Variants in CHST8 observed in about 807,000 individuals in gnomAD.
CHST8 encodes the protein carbohydrate sulfotransferase 8.
A neutral mutation model predicts 15.0 loss-of-function variants in CHST8; 10 were observed. That is an observed-to-expected ratio of 0.67 (90% CI 0.41 to 1.13). The LOEUF (loss-of-function observed/expected upper bound fraction) is 1.13. Among genes scored for constraint, CHST8 ranks in the 50% most tolerant of loss-of-function variants. The probability of loss-of-function intolerance (pLI) is 0.00; values close to 1 mark genes in which losing one functional copy is unlikely to be tolerated. For synonymous variants in CHST8, 259 were observed against 256.6 expected (o/e 1.01, Z -0.09); for missense variants, 634 against 608.2 (o/e 1.04, Z -0.45).
chr19:33,636,027 TGG>T (rs1452589579), intron 1 of CHST8, among the ~76,000 whole-genome samples: 1 of 146,642 alleles, frequency 6.8e-6, no homozygotes, highest in Non-Finnish European at 1.5e-5. Context: ...TTTTTTTTGG[TGG>T]GAAGACAGAT....
At position 33,740,803 on chromosome 19, in the gene CHST8, T is replaced by C. The variant is rs533961233; in HGVS notation, c.131-30610T>C. ...ACACAAGTCTTGGTTTCTGAACTTA[T>C]CGGCATCTTGTGGGGGCTGTCCATG... On this transcript the variant is annotated intron_variant, in intron 3 of 4. Coordinates refer to ENST00000650847, the MANE Select transcript of CHST8 (RefSeq NM_001127895.2). 2.6e-5 allele frequency among the ~76,000 whole-genome samples: 4 copies of C among 152,306 alleles called. No homozygotes were observed. The East Asian group carries it at 5.8e-4, about 22-fold the overall frequency.
chr19:33,758,144 G>A (rs1247829542), intron 3 of CHST8, among the ~76,000 whole-genome samples: 2 of 139,894 alleles, frequency 1.4e-5, no homozygotes, highest in South Asian at 5.4e-4. Context: ...GGGGTGGGGG[G>A]GCACACAGGA....
chr19:33,710,076 A>C (rs76941986), intron 3 of CHST8, among the ~76,000 whole-genome samples: 1 of 152,156 alleles, frequency 6.6e-6, no homozygotes, highest in Non-Finnish European at 1.5e-5. Context: ...ATGTCTTTCT[A>C]GGGCTTTGTT....
At chr19:33,701,239 T>G (rs991685717) in intron 3 of CHST8, among the ~76,000 whole-genome samples, 4 of 152,112 alleles carry the variant, frequency 2.6e-5, no homozygotes, top group African/African-American at 7.2e-5. Flanking sequence ...CCCAGTCTTC[T>G]ACGTGGCCAC....
rs187047734 is a variant in CHST8, at chr19:33,724,476, G to A, written c.130+35085G>A. Among the ~76,000 whole-genome samples, 363 of 151,242 alleles carry A rather than the reference G, an allele frequency of 2.4e-3. 2 individuals carry two copies. In the South Asian group the frequency reaches 0.027, roughly 11 times the overall value. ...AAGCAGTTCTGTAAAGTGTGGCTGC[G>A]GGGCTGGCAGCCGGGCTGCTCTTCC... On this transcript the variant is annotated intron_variant, in intron 3 of 4. Transcript: ENST00000650847.
chr19:33,715,701 G>C (rs1036636147), intron 3 of CHST8, among the ~76,000 whole-genome samples: 3 of 152,324 alleles, frequency 2.0e-5, no homozygotes, highest in Admixed American at 6.5e-5. Flanking sequence ...GGTTGTCCCT[G>C]GCTGCCTGCA....
chr19:33,758,550 T>C (rs555837265), intron 3 of CHST8, among the ~76,000 whole-genome samples: 1 of 152,334 alleles, frequency 6.6e-6, no homozygotes, highest in Non-Finnish European at 1.5e-5. Context: ...GTGACAGGCT[T>C]GACAGCTCCA....
At chr19:33,633,598 T>A (rs1191306788) in intron 1 of CHST8, among the ~76,000 whole-genome samples, 1 of 150,722 alleles carries the variant, frequency 6.6e-6, no homozygotes, top group Non-Finnish European at 1.5e-5. Flanking sequence ...GGGTCTCACT[T>A]TGTTGCCCAG....
intron 2 of CHST8, among the ~76,000 whole-genome samples, chr19:33,674,387 C>G (rs1972783135): frequency 6.6e-6 from 1 of 152,240 alleles, no homozygotes; most frequent in Non-Finnish European, 1.5e-5. Context: ...TCTGTACAGA[C>G]TGCTCAGCTA....
intron 1 of CHST8, among the ~76,000 whole-genome samples, chr19:33,658,270 G>A: frequency 6.6e-6 from 1 of 152,168 alleles, no homozygotes; most frequent in East Asian, 1.9e-4. Flanking sequence ...AACTCGGGAG[G>A]CGGAGATTGC....
chr19:33,752,609 C>T (rs1228451897), intron 3 of CHST8, among the ~76,000 whole-genome samples: 2 of 152,190 alleles, frequency 1.3e-5, no homozygotes, highest in South Asian at 2.1e-4. Context: ...TGACCCTTCC[C>T]GCCGCCCCAC....
intron 1 of CHST8, among the ~76,000 whole-genome samples, chr19:33,659,966 C>T (rs1972565457): frequency 6.6e-6 from 1 of 152,214 alleles, no homozygotes; most frequent in South Asian, 2.1e-4. Context: ...GGGCTGATCC[C>T]TGGAATCCTC....
At chr19:33,756,195 T>A (rs1284124208) in intron 3 of CHST8, among the ~76,000 whole-genome samples, 1 of 152,214 alleles carries the variant, frequency 6.6e-6, no homozygotes, top group African/African-American at 2.4e-5. Flanking sequence ...CAATTCCAGG[T>A]GCGCATGAAG....
intron 1 of CHST8, among the ~76,000 whole-genome samples, chr19:33,629,402 C>A (rs1031131535): frequency 2.0e-5 from 3 of 152,256 alleles, no homozygotes; most frequent in African/African-American, 7.2e-5. Flanking sequence ...TCCTTTTCCT[C>A]CTCCCCAAGG....
At chr19:33,768,089 G>A (rs567644999) in intron 3 of CHST8, among the ~76,000 whole-genome samples, 8 of 152,310 alleles carry the variant, frequency 5.3e-5, no homozygotes, top group Admixed American at 2.0e-4. Context: ...ACTTGGGGAT[G>A]TGCAGACCCC....
chr19:33,700,786 T>A (rs1208625297), intron 3 of CHST8, among the ~76,000 whole-genome samples: 1 of 152,188 alleles, frequency 6.6e-6, no homozygotes, highest in Non-Finnish European at 1.5e-5. Flanking sequence ...CCCCAGTTGC[T>A]ACTTTGCACC....
At chr19:33,769,632 G>C (rs1178823083) in intron 3 of CHST8, among the ~76,000 whole-genome samples, 2 of 152,044 alleles carry the variant, frequency 1.3e-5, no homozygotes, top group African/African-American at 2.4e-5. Context: ...GAGGGAAATA[G>C]ACTCTGGGCA....
In CHST8 at chr19:33,625,494, A is replaced by G. The variant is rs74816109; in HGVS notation, c.-164+3198A>G. 8.0e-3 allele frequency among the ~76,000 whole-genome samples: 1,216 copies of G among 152,344 alleles called. 14 individuals carry two copies. Among genetic ancestry groups the G allele is most frequent in the African/African-American group, 0.028 (1,158 of 41,574 alleles). On this transcript the variant is annotated intron_variant, in intron 1 of 4. Transcript: ENST00000650847. ...GACGAGTTATAAACTGGAGATTTAT[A>G]TAGTGCTGGCCCAAGGAGATCAATG...
rs574052125 is a variant in CHST8, at chr19:33,751,618, C to T, written c.131-19795C>T. On this transcript the variant is annotated intron_variant, in intron 3 of 4. Coordinates refer to ENST00000650847, the MANE Select transcript of CHST8 (RefSeq NM_001127895.2). ...CCAGCCTCCTGCCTGACCGGCCCACCGTCCCCGGGCACTGGCAGGCAGCAT... is the reference window on the plus strand; with the variant it reads ...CCAGCCTCCTGCCTGACCGGCCCACTGTCCCCGGGCACTGGCAGGCAGCAT... Among the ~76,000 whole-genome samples, 277 of 152,300 alleles carry T rather than the reference C, an allele frequency of 1.8e-3. 2 individuals carry two copies. Among genetic ancestry groups the T allele is most frequent in the Non-Finnish European group, 2.9e-3 (199 of 68,026 alleles).
Sources: gnomAD v4.1 joint callset for allele counts (sites outside exome capture counted in the v4.1 genomes callset) on GRCh38, gnomAD v4.1.1 for gene constraint, MANE v1.5 for transcripts, NCBI Gene and HGNC (gene_info 2026-07-23, HGNC 2026-07-21) for gene names.